Variants in CWC27 observed in about 807,000 individuals in gnomAD.
CWC27 encodes the protein spliceosome-associated protein CWC27 homolog.
In CWC27, 47 loss-of-function variants were observed where a neutral mutation model predicts 63.6. The ratio of observed to expected loss-of-function variants is 0.74; its 90% confidence interval spans 0.58 to 0.94. The LOEUF (loss-of-function observed/expected upper bound fraction) is 0.94. Ranked by LOEUF, CWC27 falls within the 40% of genes least tolerant of loss-of-function variation. The pLI, the probability that CWC27 is intolerant of heterozygous loss-of-function variation, is 0.00. For missense variants in CWC27, 495 were observed against 554.3 expected (o/e 0.89, Z 1.07); for synonymous variants, 175 against 179.8 (o/e 0.97, Z 0.22).
At chr5:64,986,921 T>C (rs767970192) in intron 13 of CWC27, among the ~76,000 whole-genome samples, 1 of 151,308 alleles carries the variant, frequency 6.6e-6, no homozygotes, top group Non-Finnish European at 1.5e-5. Flanking sequence ...AAAAAATCAT[T>C]TTTTTCCAGT....
chr5:65,009,482 T>C (rs994021872), intron 13 of CWC27, among the ~76,000 whole-genome samples: 7 of 152,208 alleles, frequency 4.6e-5, no homozygotes, highest in Non-Finnish European at 1.0e-4. Flanking sequence ...GACTGAATTG[T>C]ATCTCCCTAA....
intron 10 of CWC27, among the ~76,000 whole-genome samples, chr5:64,823,089 G>T (rs905954222): frequency 6.6e-6 from 1 of 152,162 alleles, no homozygotes; most frequent in African/African-American, 2.4e-5. Flanking sequence ...CAATTTTTCT[G>T]AATCTCCTGC....
chr5:65,009,355 C>G (rs535487495), intron 13 of CWC27, among the ~76,000 whole-genome samples: 80 of 152,314 alleles, frequency 5.3e-4, no homozygotes, highest in African/African-American at 1.9e-3. Context: ...CAACATGAGA[C>G]TTGGCAGAGC....
At chr5:64,800,736 A>G (rs1250657828) in intron 8 of CWC27, among the ~76,000 whole-genome samples, 1 of 152,190 alleles carries the variant, frequency 6.6e-6, no homozygotes, top group Non-Finnish European at 1.5e-5. Flanking sequence ...GGGCCAGTCC[A>G]CTGACTATAA....
intron 10 of CWC27, among the ~76,000 whole-genome samples, chr5:64,865,877 A>G (rs1746521017): frequency 6.6e-6 from 1 of 152,198 alleles, no homozygotes; most frequent in Admixed American, 6.5e-5. Context: ...GTACATCTTG[A>G]ATCATCTTTT....
chr5:64,812,154 A>T (rs1744894611), intron 10 of CWC27, among the ~76,000 whole-genome samples: 2 of 152,110 alleles, frequency 1.3e-5, no homozygotes, highest in South Asian at 4.1e-4. Flanking sequence ...TAGGAAATTT[A>T]AAAAGATAGT....
chr5:64,782,616 G>A (rs1743741335), intron 3 of CWC27, among the ~76,000 whole-genome samples: 1 of 152,140 alleles, frequency 6.6e-6, no homozygotes, highest in African/African-American at 2.4e-5. Context: ...GCTAAAAGTT[G>A]TGTTTGTTAT....
At position 64,947,348 on chromosome 5, in the gene CWC27, G is replaced by A. The variant is rs138568273; in HGVS notation, c.1043-24355G>A. Among the ~76,000 whole-genome samples, 5 of 152,170 alleles carry A rather than the reference G, an allele frequency of 3.3e-5. No homozygotes were observed. The East Asian group carries it at 9.7e-4, about 29-fold the overall frequency. On this transcript the variant is annotated intron_variant, in intron 11 of 13. Coordinates refer to ENST00000381070, the MANE Select transcript of CWC27 (RefSeq NM_005869.4). ...TAGCATTCTTATTGCTCCTGTGTTA[G>A]CCTGCCTGCAGTCTAGTCTAACTTG... is the stretch of plus-strand genomic sequence containing the variant.
rs761018388 is a variant in CWC27 at position 65,018,153 on chromosome 5, A to G, written c.1257-6A>G. 3.8e-6 allele frequency: 6 copies of G among 1,585,042 alleles called. No individual in the cohort carries two copies. The South Asian group carries it at 4.7e-5, about 12-fold the overall frequency. On this transcript the variant is annotated splice_region_variant and splice_polypyrimidine_tract_variant and intron_variant, in intron 13 of 13. Transcript: ENST00000381070. ...AAATCACTGAACCATCTCTCTCCCT[A>G]TTTAGGATGTCACATGTACTTCAGT...
chr5:64,910,916 A>T (rs1231294971), intron 11 of CWC27, among the ~76,000 whole-genome samples: 1 of 152,202 alleles, frequency 6.6e-6, no homozygotes, highest in African/African-American at 2.4e-5. Flanking sequence ...CCCAGGTGAG[A>T]CAATGGCCCA....
intron 10 of CWC27, among the ~76,000 whole-genome samples, chr5:64,858,582 G>C (rs1219132306): frequency 1.3e-5 from 2 of 151,804 alleles, no homozygotes; most frequent in Non-Finnish European, 2.9e-5. Context: ...TCAAAAATAA[G>C]ACAATGTTTT....
intron 13 of CWC27, among the ~76,000 whole-genome samples, chr5:64,988,340 T>A (rs1314015040): frequency 6.6e-6 from 1 of 152,196 alleles, no homozygotes; most frequent in Non-Finnish European, 1.5e-5. Flanking sequence ...AAGATTTGTA[T>A]GATTCTCTTA....
intron 7 of CWC27, among the ~76,000 whole-genome samples, chr5:64,797,741 G>T (rs1343332421): frequency 6.6e-6 from 1 of 151,980 alleles, no homozygotes; most frequent in Non-Finnish European, 1.5e-5. Flanking sequence ...ACTTAAAATC[G>T]CTCTTAGTGG....
At chr5:64,854,507 A>G (rs1321401109) in intron 10 of CWC27, among the ~76,000 whole-genome samples, 1 of 152,234 alleles carries the variant, frequency 6.6e-6, no homozygotes, top group East Asian at 1.9e-4. Flanking sequence ...AAATATTGAC[A>G]TAATTCTGAC....
At chr5:64,794,163 A>G (rs1424744525) in intron 7 of CWC27, among the ~76,000 whole-genome samples, 1 of 152,136 alleles carries the variant, frequency 6.6e-6, no homozygotes, top group African/African-American at 2.4e-5. Context: ...ATAGGATTGC[A>G]TGATAGGGAG....
intron 1 of CWC27, among the ~76,000 whole-genome samples, chr5:64,774,335 C>T (rs1743365278): frequency 6.6e-6 from 1 of 152,142 alleles, no homozygotes; most frequent in Admixed American, 6.6e-5. Context: ...TTCTTAGAGA[C>T]AGGGTCTGTC....
chr5:64,902,999 T>C (rs1416034715), intron 11 of CWC27, among the ~76,000 whole-genome samples: 2 of 152,168 alleles, frequency 1.3e-5, no homozygotes, highest in African/African-American at 4.8e-5. Context: ...TTGTCTTTCG[T>C]AATTGATAGA....
At position 64,771,052 on chromosome 5, in the gene CWC27, T is replaced by C. The variant is rs542337296; in HGVS notation, c.42+1864T>C. Among the ~76,000 whole-genome samples, 8 of 152,264 alleles carry C rather than the reference T, an allele frequency of 5.3e-5. No homozygotes were observed. In the South Asian group the frequency reaches 1.7e-3, roughly 32 times the overall value. On this transcript the variant is annotated intron_variant, in intron 1 of 13. Coordinates refer to ENST00000381070, the MANE Select transcript of CWC27 (RefSeq NM_005869.4). ...TACATTGACTGAATAATCATGCAAA[T>C]AAATGTTTAATTACAAAATGTGATA...
chr5:65,009,603 G>A (rs1749909713), intron 13 of CWC27, among the ~76,000 whole-genome samples: 1 of 152,146 alleles, frequency 6.6e-6, no homozygotes, highest in African/African-American at 2.4e-5. Context: ...CGCTCTCCCT[G>A]CATCCCTGTG....
Sources: allele counts gnomAD v4.1 joint callset (sites outside exome capture counted in the v4.1 genomes callset), GRCh38; gene constraint gnomAD v4.1.1; transcripts MANE v1.5; gene names NCBI Gene and HGNC (gene_info 2026-07-23, HGNC 2026-07-21).